Variants in ITGB6 observed in about 807,000 individuals in gnomAD.
ITGB6 encodes the protein integrin subunit beta 6.
A neutral mutation model predicts 84.5 loss-of-function variants in ITGB6; 80 were observed. The observed-to-expected ratio is 0.95, with a 90% confidence interval of 0.79 to 1.14. The LOEUF is 1.14. ITGB6 is among the 50% of genes most tolerant of loss of function. The pLI is 0.00. For synonymous variants in ITGB6, 383 were observed against 354.9 expected (o/e 1.08, Z -0.89); for missense variants, 1,006 against 968.0 (o/e 1.04, Z -0.52).
chr2:160,140,529 A>G (rs1298987456), intron 8 of ITGB6, among the ~76,000 whole-genome samples: 1 of 152,220 alleles, frequency 6.6e-6, no homozygotes, highest in Admixed American at 6.5e-5. Context: ...TTGGATTCGA[A>G]AAAATGGCGT....
At chr2:160,195,674 T>C in intron 3 of ITGB6, 59 bp from the exon 4 acceptor site, 1 of 1,598,936 alleles carries the variant, frequency 6.3e-7, no homozygotes, top group Non-Finnish European at 8.5e-7. Flanking sequence ...TATTTGCTAC[T>C]GGCCACTCGC....
chr2:160,116,679 T>G (rs1682785392), intron 12 of ITGB6, among the ~76,000 whole-genome samples: 1 of 152,208 alleles, frequency 6.6e-6, no homozygotes, highest in African/African-American at 2.4e-5. Context: ...ACTTTAAATG[T>G]AAATGGGCTA....
intron 4 of ITGB6, among the ~76,000 whole-genome samples, chr2:160,174,955 C>T (rs1485938885): frequency 1.3e-5 from 2 of 152,222 alleles, no homozygotes; most frequent in African/African-American, 4.8e-5. Flanking sequence ...AATCTGAACC[C>T]CTACCCAAGA....
chr2:160,141,910 C>T, intron 8 of ITGB6, 72 bp downstream of exon 8: 1 of 929,316 alleles, frequency 1.1e-6, no homozygotes, highest in Admixed American at 2.3e-5. Context: ...TAACATTTAA[C>T]TGCCTAAATC....
At chr2:160,155,291 A>C (rs1281896910) in intron 7 of ITGB6, among the ~76,000 whole-genome samples, 1 of 152,234 alleles carries the variant, frequency 6.6e-6, no homozygotes, top group African/African-American at 2.4e-5. Flanking sequence ...AGTGGTTGCC[A>C]GAGGTTGGGG....
intron 13 of ITGB6, among the ~76,000 whole-genome samples, chr2:160,109,914 A>C (rs2105777283): frequency 6.6e-6 from 1 of 152,372 alleles, no homozygotes; most frequent in Non-Finnish European, 1.5e-5. Context: ...CATGAAAAAA[A>C]TGTAAAATAT....
At chr2:160,181,515 C>T (rs1326345865) in intron 4 of ITGB6, among the ~76,000 whole-genome samples, 2 of 152,194 alleles carry the variant, frequency 1.3e-5, no homozygotes, top group Non-Finnish European at 2.9e-5. Context: ...AAACTCCCAT[C>T]TCCCTGGGAC....
intron 7 of ITGB6, among the ~76,000 whole-genome samples, chr2:160,153,119 C>T (rs13413895): frequency 0.11 from 16,775 of 152,074 alleles, 1,651 homozygotes; most frequent in East Asian, 0.29. Context: ...AAAAAGAGCC[C>T]GCACTGCCAA....
chr2:160,107,938 G>A, intron 13 of ITGB6, 93 bp from the exon 14 acceptor site: 2 of 1,114,074 alleles, frequency 1.8e-6, no homozygotes, highest in Non-Finnish European at 1.3e-6. Flanking sequence ...TACATTTTCT[G>A]CAGCAGAGGA....
At chr2:160,119,699 C>T (rs1337978202) in intron 12 of ITGB6, among the ~76,000 whole-genome samples, 1 of 152,050 alleles carries the variant, frequency 6.6e-6, no homozygotes, top group Non-Finnish European at 1.5e-5. Flanking sequence ...TTCTGCACAG[C>T]AAAAGAAACC....
rs772523970 is a variant in ITGB6 at position 160,107,781 on chromosome 2, G to A, written c.2166C>T (p.Ile722=). Residue 722 remains isoleucine (I), a synonymous_variant, in exon 14 of 15, where the codon ATC becomes ATT. Coordinates refer to ENST00000283249, the MANE Select transcript of ITGB6 (RefSeq NM_000888.5). ...TCCAGATGCACAGTAGGACAACCCC[G>A]ATGAGAAGAATAGCCAGGGAAACCC... ...MLGVSLAILL[I]GVVLLCIWKL... The A allele has an allele frequency of 8.7e-6, 14 of 1,613,838 alleles. No homozygotes were observed. Among genetic ancestry groups the A allele is most frequent in the South Asian group, 1.1e-5 (1 of 91,060 alleles).
rs1452072126 is a variant in ITGB6, at chr2:160,114,051, A to G, written c.1982-1852T>C. ...AGTGGCTTATCATACTCCTTTCAGT[A>G]ATATTAACCATGTTTTTAAAAATTT... On this transcript the variant is annotated intron_variant, in intron 12 of 14. Transcript: ENST00000283249. Among the ~76,000 whole-genome samples the G allele has an allele frequency of 3.3e-5, 5 of 152,152 alleles. No individual in the cohort carries two copies. The East Asian group carries it at 7.7e-4, about 23-fold the overall frequency.
intron 13 of ITGB6, 58 bp from the exon 14 acceptor site, chr2:160,107,903 A>G (rs1158478104): frequency 2.2e-5 from 31 of 1,416,744 alleles, no homozygotes; most frequent in Non-Finnish European, 2.5e-5. Context: ...GACATCGGAA[A>G]GGCATTTCTT....
intron 7 of ITGB6, among the ~76,000 whole-genome samples, chr2:160,153,693 A>G (rs1428600220): frequency 2.6e-5 from 4 of 152,186 alleles, no homozygotes; most frequent in Non-Finnish European, 5.9e-5. Flanking sequence ...TACTCATCTG[A>G]CAAAGGGCTA....
At chr2:160,177,979 A>G (rs531945264) in intron 4 of ITGB6, among the ~76,000 whole-genome samples, 61 of 152,272 alleles carry the variant, frequency 4.0e-4, no homozygotes, top group African/African-American at 1.4e-3. Flanking sequence ...GGTTCAAGCC[A>G]TTCTCCTGCC....
chr2:160,186,272 C>A (rs377396886), intron 4 of ITGB6, among the ~76,000 whole-genome samples: 64 of 133,746 alleles, frequency 4.8e-4, no homozygotes, highest in Admixed American at 4.6e-4. Context: ...AACAAATTTC[C>A]AAAAAAAAAA....
chr2:160,141,933 T>C (rs1006768867), intron 8 of ITGB6, 49 bp downstream of exon 8: 1 of 1,194,742 alleles, frequency 8.4e-7, no homozygotes, highest in Non-Finnish European at 1.2e-6. Flanking sequence ...ATCTTAGTTT[T>C]TGAATACCAA....
At chr2:160,110,291 A>G (rs981630525) in intron 13 of ITGB6, among the ~76,000 whole-genome samples, 20 of 152,208 alleles carry the variant, frequency 1.3e-4, no homozygotes, top group Non-Finnish European at 1.5e-5. Context: ...TAATAGTGGT[A>G]CCTGTTTTAT....
At chr2:160,136,113 A>T (rs952296837) in intron 10 of ITGB6, among the ~76,000 whole-genome samples, 1 of 152,224 alleles carries the variant, frequency 6.6e-6, no homozygotes, top group Non-Finnish European at 1.5e-5. Context: ...CAGAGTGAAC[A>T]GGCAACCTAC....
Sources: gnomAD v4.1 joint callset for allele counts (sites outside exome capture counted in the v4.1 genomes callset) on GRCh38, gnomAD v4.1.1 for gene constraint, MANE v1.5 for transcripts, NCBI Gene and HGNC (gene_info 2026-07-23, HGNC 2026-07-21) for gene names.